The following LPIN1 variants were observed in gnomAD, a reference collection of about 807,000 sequenced individuals.
LPIN1 encodes phosphatidate phosphatase LPIN1.
Under a neutral mutation model 107.5 loss-of-function variants are expected in LPIN1, and 71 were observed. The ratio of observed to expected loss-of-function variants is 0.66; its 90% CI spans 0.55 to 0.80. The LOEUF is 0.80. Ranked by LOEUF, LPIN1 falls within the 30% of genes least tolerant of loss-of-function variation. LPIN1 has a pLI of 0.00. For missense variants in LPIN1, 1,043 were observed against 1,160.6 expected, an observed-to-expected ratio of 0.90 and a Z score of 1.47; for synonymous variants, 445 against 452.6, an observed-to-expected ratio of 0.98 and a Z score of 0.21.
intron 1 of LPIN1, among the ~76,000 whole-genome samples, chr2:11,713,134 AT>A (rs1420893480): frequency 6.6e-6 from 1 of 152,214 alleles, no homozygotes; most frequent in African/African-American, 2.4e-5. Context: ...TGACCTTCTT[AT>A]GATCCATGTG....
intron 1 of LPIN1, among the ~76,000 whole-genome samples, chr2:11,708,758 C>T (rs902715400): frequency 6.6e-6 from 1 of 151,994 alleles, no homozygotes; most frequent in Non-Finnish European, 1.5e-5. Context: ...ACCCAGCAAG[C>T]CAGGGTTAGA....
chr2:11,763,087 G>T (rs1259965933), intron 1 of LPIN1: 1 of 152,222 alleles, frequency 6.6e-6, no homozygotes, highest in Non-Finnish European at 1.5e-5. Flanking sequence ...GAGAGGAGAA[G>T]AGAGTCTAGG....
intron 4 of LPIN1, among the ~76,000 whole-genome samples, chr2:11,772,898 A>G (rs2148637070): frequency 6.7e-6 from 1 of 149,222 alleles, no homozygotes; most frequent in East Asian, 1.9e-4. Context: ...ATAAATGTCA[A>G]CTGGCAACGA....
chr2:11,755,666 G>C (rs1281050626), intron 1 of LPIN1, among the ~76,000 whole-genome samples: 1 of 152,154 alleles, frequency 6.6e-6, no homozygotes, highest in Admixed American at 6.5e-5. Flanking sequence ...GGAGGAGGCA[G>C]GTGGAAATCC....
Position 11,784,794 on chromosome 2 carries a change from G to A in LPIN1, c.1359-92G>A, listed in dbSNP as rs1674212856. Reference sequence around the variant, plus strand: ...GATGCAGCCGTCTGCGGCTCTGAGGGTGGCCGCGTGCCAGAGCATCACTGG... The same window carrying A: ...GATGCAGCCGTCTGCGGCTCTGAGGATGGCCGCGTGCCAGAGCATCACTGG... On this transcript the variant is annotated intron_variant, in intron 9 of 20. Transcript: ENST00000674199. 1.3e-5 allele frequency: 15 copies of A among 1,184,458 alleles called. No homozygotes were observed. In the South Asian group the frequency reaches 1.8e-4, roughly 14 times the overall value. 73.4% of individuals were successfully genotyped at this position (1,184,458 alleles called of 1,614,324 possible).
intron 17 of LPIN1, chr2:11,805,398 A>G (rs1285878246): frequency 1.0e-5 from 6 of 598,596 alleles, no homozygotes; most frequent in Middle Eastern, 4.5e-4. Context: ...ATTGATTACT[A>G]GGAGAACACA....
chr2:11,684,938 AAAAC>A (rs1171422257), intron 1 of LPIN1, among the ~76,000 whole-genome samples: 3 of 102,214 alleles, frequency 2.9e-5, no homozygotes, highest in Admixed American at 1.1e-4. Flanking sequence ...AGCCGTGAAT[AAAAC>A]AAACATCCTG....
chr2:11,804,974 T>C, intron 16 of LPIN1, 96 bp from the exon 17 acceptor site: 1 of 817,370 alleles, frequency 1.2e-6, no homozygotes, highest in South Asian at 1.5e-5. Flanking sequence ...GTTGTGGGTC[T>C]TGTTTGTGTT....
At chr2:11,815,022 G>A (rs1261014165) in intron 17 of LPIN1, 66 bp from the exon 18 acceptor site, 1 of 1,453,456 alleles carries the variant, frequency 6.9e-7, no homozygotes, top group Non-Finnish European at 9.7e-7. Flanking sequence ...TATGGATCAG[G>A]ATTTATGAAT....
At chr2:11,720,172 T>G (rs1664027272), upstream of LPIN1, among the ~76,000 whole-genome samples, 1 of 152,208 alleles carries the variant, frequency 6.6e-6, no homozygotes, top group African/African-American at 2.4e-5. Context: ...CAGTGATACC[T>G]TTAACACCAG....
chr2:11,768,468 C>G (rs1671292334), intron 3 of LPIN1, among the ~76,000 whole-genome samples: 1 of 152,124 alleles, frequency 6.6e-6, no homozygotes, highest in South Asian at 2.1e-4. Context: ...TTTCCTTATT[C>G]TGAACTTTTG....
At chr2:11,693,387 A>G (rs1662368027) in intron 1 of LPIN1, among the ~76,000 whole-genome samples, 1 of 152,140 alleles carries the variant, frequency 6.6e-6, no homozygotes, top group African/African-American at 2.4e-5. Flanking sequence ...AGATCTGGTC[A>G]GCAGTCTGAG....
intron 12 of LPIN1, among the ~76,000 whole-genome samples, chr2:11,790,120 A>G (rs779066045): frequency 1.3e-5 from 2 of 152,218 alleles, no homozygotes; most frequent in Non-Finnish European, 2.9e-5. Flanking sequence ...AGATCTTAAA[A>G]TCTTTCATCC....
intron 1 of LPIN1, among the ~76,000 whole-genome samples, chr2:11,754,811 G>T (rs1232924496): frequency 1.3e-5 from 2 of 152,084 alleles, no homozygotes; most frequent in African/African-American, 4.8e-5. Flanking sequence ...TCACAGCCAG[G>T]CCTTCCGACC....
chr2:11,809,864 C>T (rs1255136696), intron 17 of LPIN1, among the ~76,000 whole-genome samples: 1 of 152,178 alleles, frequency 6.6e-6, no homozygotes, highest in Non-Finnish European at 1.5e-5. Context: ...GGAGTCGGGC[C>T]AGGATCCCAG....
At chr2:11,781,905 C>T (rs1673628505) in intron 7 of LPIN1, among the ~76,000 whole-genome samples, 2 of 152,220 alleles carry the variant, frequency 1.3e-5, no homozygotes, top group East Asian at 3.8e-4. Context: ...CTGAGAATCC[C>T]AGTGTGTGTG....
chr2:11,757,725 G>T (rs1420755641), intron 1 of LPIN1, among the ~76,000 whole-genome samples: 1 of 151,922 alleles, frequency 6.6e-6, no homozygotes, highest in Non-Finnish European at 1.5e-5. Context: ...CTCTTTCAAA[G>T]AAATTGTTTA....
upstream of LPIN1, chr2:11,722,230 A>G (rs1288073105): frequency 1.3e-5 from 2 of 152,244 alleles, no homozygotes; most frequent in Non-Finnish European, 2.9e-5. Flanking sequence ...TGGTGATCCC[A>G]AATCCACCCA....
At chr2:11,727,313 G>A (rs1664763654) in intron 1 of LPIN1, among the ~76,000 whole-genome samples, 1 of 152,182 alleles carries the variant, frequency 6.6e-6, no homozygotes, top group African/African-American at 2.4e-5. Context: ...CATCAGTATG[G>A]ATTTATATAT....
Sources: gnomAD v4.1 joint callset for allele counts (sites outside exome capture counted in the v4.1 genomes callset) on GRCh38, gnomAD v4.1.1 for gene constraint, MANE v1.5 for transcripts, NCBI Gene and HGNC (gene_info 2026-07-23, HGNC 2026-07-21) for gene names.